Variants in DIAPH2 observed in about 807,000 individuals in gnomAD.
The protein encoded by DIAPH2 is diaphanous related formin 2.
A neutral mutation model predicts 92.7 loss-of-function variants in DIAPH2; 35 were observed. The observed-to-expected ratio is 0.38, with a 90% CI of 0.29 to 0.50. DIAPH2 has a LOEUF of 0.50. DIAPH2 is among the 20% of genes least tolerant of loss of function. The probability of loss-of-function intolerance (pLI) is 0.94; values close to 1 mark genes in which losing one functional copy is unlikely to be tolerated. For synonymous variants in DIAPH2, 301 were observed against 280.4 expected (o/e 1.07, Z -0.73); for missense variants, 701 against 819.5 (o/e 0.86, Z 1.77).
intron 21 of DIAPH2, among the ~76,000 whole-genome samples, chrX:97,121,562 T>C (rs1602356228): frequency 8.9e-6 from 1 of 112,406 alleles, no homozygotes; most frequent in South Asian, 3.7e-4. Context: ...ATACTCAGCA[T>C]GTGTTAACTT....
chrX:96,701,917 A>G (rs2063857523), intron 1 of DIAPH2, among the ~76,000 whole-genome samples: 1 of 111,270 alleles, frequency 9.0e-6, no homozygotes, highest in African/African-American at 3.3e-5. Flanking sequence ...AGGCATAGTT[A>G]TTTCCCACAT....
intron 1 of DIAPH2, among the ~76,000 whole-genome samples, chrX:96,688,727 A>G (rs1409474761): frequency 8.9e-6 from 1 of 112,164 alleles, no homozygotes; most frequent in African/African-American, 3.2e-5. Context: ...GCATAATTCT[A>G]AGGGTTGGTG....
chrX:97,039,522 A>G lies in DIAPH2; in HGVS notation c.2051-33419A>G, dbSNP rs186291494. The stretch of plus-strand genomic sequence containing the variant: ...AACAGAAGAGTATAATAATTGTGAT[A>G]GGGACTCAAGAGAAATTATACAAGT... On this transcript the variant is annotated intron_variant, in intron 17 of 26. Coordinates refer to ENST00000324765, the MANE Select transcript of DIAPH2 (RefSeq NM_006729.5). Among the ~76,000 whole-genome samples, 318 of 111,733 alleles carry G rather than the reference A, an allele frequency of 2.8e-3. 2 individuals are homozygous for G. The highest frequency in any genetic ancestry group is 5.0e-3 in the Non-Finnish European group (265 of 53,082).
At chrX:96,732,566 A>G (rs1366131258) in intron 1 of DIAPH2, among the ~76,000 whole-genome samples, 2 of 112,212 alleles carry the variant, frequency 1.8e-5, no homozygotes, top group African/African-American at 6.5e-5. Flanking sequence ...CAAATCAAGA[A>G]ATCAGGAGTG....
intron 26 of DIAPH2, among the ~76,000 whole-genome samples, chrX:97,500,761 GAGAT>G (rs1242623061): frequency 2.2e-5 from 1 of 46,274 alleles, no homozygotes; most frequent in Non-Finnish European, 3.7e-5. Flanking sequence ...GCCATTCAAG[GAGAT>G]ATATATATAT....
chrX:96,936,334 G>A (rs1245657066), intron 10 of DIAPH2, among the ~76,000 whole-genome samples: 2 of 111,022 alleles, frequency 1.8e-5, no homozygotes, highest in African/African-American at 3.3e-5. Flanking sequence ...TTGTTTTATC[G>A]ACCTAATTTG....
intron 23 of DIAPH2, among the ~76,000 whole-genome samples, chrX:97,291,399 C>CA (rs1308590241): frequency 9.0e-6 from 1 of 110,720 alleles, no homozygotes; most frequent in Admixed American, 9.6e-5. Context: ...AACTCTGTCT[C>CA]AAAAAAATAA....
chrX:96,767,707 G>A lies in DIAPH2; in HGVS notation c.447+9449G>A, dbSNP rs901111943. ...AAGGGAAAAATGGGATTTATTCTGG[G>A]TCAAGAATGGTGGGAAGGATTCAGC... On this transcript the variant is annotated intron_variant, in intron 4 of 26. Transcript: ENST00000324765. Among the ~76,000 whole-genome samples, 11 of 111,735 alleles carry A rather than the reference G, an allele frequency of 9.8e-5. No individual in the cohort carries two copies. In the South Asian group the frequency reaches 3.8e-3, roughly 38 times the overall value.
intron 3 of DIAPH2, among the ~76,000 whole-genome samples, chrX:96,743,995 CAT>C (rs748936048): frequency 9.0e-6 from 1 of 111,332 alleles, no homozygotes; most frequent in East Asian, 2.8e-4. Context: ...TATAAATGGA[CAT>C]ATATTATTTT....
intron 15 of DIAPH2, among the ~76,000 whole-genome samples, chrX:96,957,185 T>C (rs2065816485): frequency 1.8e-5 from 2 of 111,982 alleles, no homozygotes; most frequent in East Asian, 5.7e-4. Flanking sequence ...CATCCCCAGC[T>C]AATTTTTGTA....
chrX:97,444,837 A>G (rs973301396), intron 26 of DIAPH2, among the ~76,000 whole-genome samples: 2 of 111,990 alleles, frequency 1.8e-5, no homozygotes, highest in Non-Finnish European at 3.8e-5. Context: ...ATTTTACTTT[A>G]TGGTCCAAAT....
At chrX:97,230,655 A>G (rs1032657395) in intron 22 of DIAPH2, among the ~76,000 whole-genome samples, 1 of 111,990 alleles carries the variant, frequency 8.9e-6, no homozygotes, top group Non-Finnish European at 1.9e-5. Context: ...CCCGGGTTCT[A>G]GAGATTCTCA....
At chrX:97,266,747 A>G (rs2068340236) in intron 23 of DIAPH2, among the ~76,000 whole-genome samples, 1 of 111,976 alleles carries the variant, frequency 8.9e-6, no homozygotes, top group Non-Finnish European at 1.9e-5. Context: ...GATTATAAAT[A>G]TAGTTTTTAT....
chrX:97,500,769 T>TATATATATCC (rs1556157404), intron 26 of DIAPH2, among the ~76,000 whole-genome samples: 291 of 19,800 alleles, frequency 0.015, 2 homozygotes, highest in Non-Finnish European at 0.022. Flanking sequence ...AGGAGATATA[T>TATATATATCC]ATATATATAT....
intron 23 of DIAPH2, among the ~76,000 whole-genome samples, chrX:97,330,811 C>A (rs1414614197): frequency 9.0e-6 from 1 of 111,651 alleles, no homozygotes; most frequent in Non-Finnish European, 1.9e-5. Flanking sequence ...CTGCACCCAG[C>A]CTTTTGATGT....
intron 26 of DIAPH2, among the ~76,000 whole-genome samples, chrX:97,566,052 ATTATC>A (rs2147871459): frequency 8.9e-6 from 1 of 112,242 alleles, no homozygotes; most frequent in African/African-American, 3.2e-5. Context: ...GTTAAATTTC[ATTATC>A]TTAACTGCCT....
At chrX:97,114,391 TC>T (rs2067003365) in intron 20 of DIAPH2, among the ~76,000 whole-genome samples, 2 of 111,961 alleles carry the variant, frequency 1.8e-5, no homozygotes, top group South Asian at 7.4e-4. Context: ...TTATAAATTT[TC>T]CTAGTTCACC....
chrX:96,765,415 T>C (rs1309003106), intron 4 of DIAPH2, among the ~76,000 whole-genome samples: 1 of 110,341 alleles, frequency 9.1e-6, no homozygotes, highest in East Asian at 2.9e-4. Context: ...CCCAGGCTGG[T>C]CTCAAAGTCC....
chrX:97,186,196 C>T (rs1333156414), intron 22 of DIAPH2, among the ~76,000 whole-genome samples: 1 of 111,524 alleles, frequency 9.0e-6, no homozygotes, highest in East Asian at 2.8e-4. Flanking sequence ...CTAGCATATT[C>T]GCAGTCCCTT....
Sources: allele counts gnomAD v4.1 joint callset (sites outside exome capture counted in the v4.1 genomes callset), GRCh38; gene constraint gnomAD v4.1.1; transcripts MANE v1.5; gene names NCBI Gene and HGNC (gene_info 2026-07-23, HGNC 2026-07-21).